Variants in SEL1L2 observed in about 807,000 individuals in gnomAD.
SEL1L2 encodes the protein SEL1L2 adaptor subunit of SYVN1 ubiquitin ligase, also known as protein sel-1 homolog 2.
SEL1L2 carries 89 observed loss-of-function variants against 98.8 expected under a neutral mutation model. The ratio of observed to expected loss-of-function variants is 0.90; its 90% CI spans 0.76 to 1.07. The LOEUF (loss-of-function observed/expected upper bound fraction) is 1.07, where lower values mean the gene tolerates loss of function less well. Among genes scored for constraint, SEL1L2 ranks in the 50% least tolerant of loss-of-function variants. The pLI, the probability that SEL1L2 is intolerant of heterozygous loss-of-function variation, is 0.00. For missense variants in SEL1L2, 788 were observed against 812.0 expected (o/e 0.97, Z 0.36); for synonymous variants, 262 against 278.5 (o/e 0.94, Z 0.59).
At chr20:13,917,313 C>G (rs2048447236) in intron 4 of SEL1L2, among the ~76,000 whole-genome samples, 1 of 152,168 alleles carries the variant, frequency 6.6e-6, no homozygotes, top group Admixed American at 6.5e-5. Context: ...CTCATTATAA[C>G]AGCCCCCAGG....
At chr20:13,933,526 T>C (rs370954104) in intron 2 of SEL1L2, among the ~76,000 whole-genome samples, 29 of 152,306 alleles carry the variant, frequency 1.9e-4, no homozygotes, top group African/African-American at 6.5e-4. Context: ...TAGTATGTGA[T>C]TTTTGTGTGT....
rs2052495992 is a variant in SEL1L2 at position 13,990,499 on chromosome 20, T to C, written c.36A>G (p.Ile12Met). 1 of 1,612,414 alleles carries C rather than the reference T, an allele frequency of 6.2e-7. No homozygotes were observed. Among genetic ancestry groups the C allele is most frequent in the African/African-American group, 1.3e-5 (1 of 74,858 alleles). Residue 12 changes from isoleucine to methionine, a missense_variant, in exon 1 of 20, where the codon ATA becomes ATG. Coordinates refer to ENST00000284951, the MANE Select transcript of SEL1L2 (RefSeq NM_025229.2). ...KPLSLLIEILIILGVTIKTIK... is the reference protein window; with the variant it reads ...KPLSLLIEILMILGVTIKTIK... Reference sequence around the variant, plus strand: ...TACTTTTAATTGTGACCCCAAGAATTATCAATATCTCTATTAACAGAGACA... The same window carrying C: ...TACTTTTAATTGTGACCCCAAGAATCATCAATATCTCTATTAACAGAGACA...
At chr20:13,973,791 G>A (rs2051396063) in intron 1 of SEL1L2, among the ~76,000 whole-genome samples, 1 of 152,098 alleles carries the variant, frequency 6.6e-6, no homozygotes, top group Non-Finnish European at 1.5e-5. Context: ...TTTAACCTAG[G>A]TGCCTAGATC....
chr20:13,877,459 C>T, intron 11 of SEL1L2, 61 bp downstream of exon 11: 2 of 1,338,070 alleles, frequency 1.5e-6, no homozygotes, highest in Admixed American at 3.4e-5. Context: ...CGCTGCTATG[C>T]CCAGTTTAAT....
At chr20:13,873,984 G>A (rs149539297) in intron 12 of SEL1L2, among the ~76,000 whole-genome samples, 4 of 152,274 alleles carry the variant, frequency 2.6e-5, no homozygotes, top group African/African-American at 4.8e-5. Context: ...ACAGGAAAGA[G>A]ATCATGTGAG....
In SEL1L2 at chr20:13,913,942, G is replaced by A; in HGVS notation, c.389C>T (p.Ala130Val). Reference sequence around the variant, plus strand: ...AGCTGCTTTGGCAAAAAGTAGGTAGGCTCTGTTTCAAGAATATAAAGTCAA... The same window carrying A: ...AGCTGCTTTGGCAAAAAGTAGGTAGACTCTGTTTCAAGAATATAAAGTCAA... ...QSKSQKQKEE[A>V]YLLFAKAADM... Residue 130 changes from alanine (A) to valine (V), a missense_variant and splice_region_variant, in exon 5 of 20, where the codon GCC (alanine) becomes GTC (valine). Coordinates refer to ENST00000284951, the MANE Select transcript of SEL1L2 (RefSeq NM_025229.2). The A allele has an allele frequency of 6.4e-7, 1 of 1,557,712 alleles. No homozygotes were observed. The highest frequency in any genetic ancestry group is 8.6e-7 in the Non-Finnish European group (1 of 1,161,714).
In SEL1L2 at chr20:13,885,802, G is replaced by A. The variant is rs150658077; in HGVS notation, c.901-399C>T. ...TGTAATCCCAGCACTTTGGGAGGCC[G>A]AGATGGGCAGATCACGAGGTCAGGA... On this transcript the variant is annotated intron_variant, in intron 9 of 19. Coordinates refer to ENST00000284951, the MANE Select transcript of SEL1L2 (RefSeq NM_025229.2). Among the ~76,000 whole-genome samples, 558 of 152,298 alleles carry A rather than the reference G, an allele frequency of 3.7e-3. 4 individuals carry two copies. Among genetic ancestry groups the A allele is most frequent in the African/African-American group, 0.013 (520 of 41,568 alleles).
chr20:13,937,096 T>G (rs949389474), intron 2 of SEL1L2, among the ~76,000 whole-genome samples: 1 of 152,234 alleles, frequency 6.6e-6, no homozygotes, highest in Non-Finnish European at 1.5e-5. Context: ...CTTAAATAGT[T>G]TTTATTGTCT....
chr20:13,916,407 C>A lies in SEL1L2; in HGVS notation c.387-2463G>T, dbSNP rs552876898. ...AGATGTAACTTGTTTAAGGAGACAG[C>A]AGGCCATCCTGATAACACAAGAACT... On this transcript the variant is annotated intron_variant, in intron 4 of 19. Coordinates refer to ENST00000284951, the MANE Select transcript of SEL1L2 (RefSeq NM_025229.2). 5.9e-5 allele frequency among the ~76,000 whole-genome samples: 9 copies of A among 152,304 alleles called. 1 individual carries two copies. Among genetic ancestry groups the A allele is most frequent in the Admixed American group, 5.9e-4 (9 of 15,298 alleles).
intron 4 of SEL1L2, among the ~76,000 whole-genome samples, chr20:13,914,373 A>G (rs192525606): frequency 7.9e-5 from 12 of 152,356 alleles, no homozygotes; most frequent in Non-Finnish European, 1.5e-4. Flanking sequence ...AATAATCAAA[A>G]TTGGAATGTA....
chr20:13,984,793 AT>A (rs931517231), intron 1 of SEL1L2, among the ~76,000 whole-genome samples: 8 of 149,712 alleles, frequency 5.3e-5, no homozygotes, highest in African/African-American at 1.7e-4. Flanking sequence ...TTGCTTTTAA[AT>A]TTTTTTTGCT....
At chr20:13,994,898 A>G (rs548069344), upstream of SEL1L2, 1 of 152,340 alleles carries the variant, frequency 6.6e-6, no homozygotes, top group East Asian at 1.9e-4. Context: ...CCAAATTCCA[A>G]TGAAATTTGT....
intron 2 of SEL1L2, among the ~76,000 whole-genome samples, chr20:13,932,407 AATTATTATT>A (rs140408055): frequency 0.52 from 75,517 of 144,698 alleles, 20,517 homozygotes; most frequent in South Asian, 0.67. Context: ...TTCCTTTGTC[AATTATTATT>A]ATTATTATTA....
chr20:13,912,277 CT>C (rs1468370595), intron 5 of SEL1L2, among the ~76,000 whole-genome samples: 6 of 147,406 alleles, frequency 4.1e-5, no homozygotes, highest in South Asian at 2.2e-4. Context: ...AGCATCTGGA[CT>C]TTTTTTCTGT....
At chr20:13,954,263 A>G (rs2050413269) in intron 2 of SEL1L2, among the ~76,000 whole-genome samples, 1 of 152,200 alleles carries the variant, frequency 6.6e-6, no homozygotes, top group Non-Finnish European at 1.5e-5. Context: ...TTGGGGGTAG[A>G]GATGGAGAGA....
intron 12 of SEL1L2, among the ~76,000 whole-genome samples, chr20:13,875,639 C>T (rs1336416152): frequency 2.0e-5 from 3 of 152,274 alleles, no homozygotes; most frequent in African/African-American, 7.2e-5. Context: ...GAAAACTGGA[C>T]ATTCCTAGGA....
intron 5 of SEL1L2, among the ~76,000 whole-genome samples, chr20:13,891,664 A>C (rs1490357438): frequency 5.3e-5 from 2 of 37,498 alleles, no homozygotes; most frequent in African/African-American, 1.4e-4. Flanking sequence ...AGACTCCATC[A>C]AAAAAAAAAA....
At chr20:13,932,302 T>G (rs1198930261) in intron 2 of SEL1L2, among the ~76,000 whole-genome samples, 1 of 152,006 alleles carries the variant, frequency 6.6e-6, no homozygotes, top group African/African-American at 2.4e-5. Flanking sequence ...TAGAAAATAA[T>G]GCAGGAATTA....
At chr20:13,859,177 C>A (rs1989654822) in intron 18 of SEL1L2, 85 bp downstream of exon 18, 4 of 1,281,596 alleles carry the variant, frequency 3.1e-6, no homozygotes, top group Non-Finnish European at 4.5e-6. Context: ...ACATTGATGA[C>A]ATCAATGAAA....
Sources: allele counts gnomAD v4.1 joint callset (sites outside exome capture counted in the v4.1 genomes callset), GRCh38; gene constraint gnomAD v4.1.1; transcripts MANE v1.5; gene names NCBI Gene and HGNC (gene_info 2026-07-23, HGNC 2026-07-21).